The following TMTC2 variants were observed in gnomAD, a reference collection of about 807,000 sequenced individuals.
TMTC2 encodes transmembrane O-mannosyltransferase targeting cadherins 2, also known as protein O-mannosyl-transferase TMTC2.
Under a neutral mutation model 82.4 loss-of-function variants are expected in TMTC2, and 43 were observed. The observed-to-expected ratio is 0.52, with a 90% CI of 0.41 to 0.67. The LOEUF (loss-of-function observed/expected upper bound fraction) is 0.67, where lower values mean the gene tolerates loss of function less well. TMTC2 is among the 30% of genes least tolerant of loss of function. TMTC2 has a pLI of 0.00. For synonymous variants in TMTC2, 408 were observed against 381.9 expected (o/e 1.07, Z -0.80); for missense variants, 919 against 1,012.4 (o/e 0.91, Z 1.25).
intron 8 of TMTC2, among the ~76,000 whole-genome samples, chr12:83,005,901 G>A (rs1362523549): frequency 6.6e-6 from 1 of 152,186 alleles, no homozygotes; most frequent in Non-Finnish European, 1.5e-5. Context: ...ATTCAGCAAA[G>A]TTAAGAGCCA....
chr12:83,130,517 C>T (rs1440158919), intron 11 of TMTC2, among the ~76,000 whole-genome samples: 1 of 152,094 alleles, frequency 6.6e-6, no homozygotes, highest in Non-Finnish European at 1.5e-5. Flanking sequence ...CTTATATTTG[C>T]AGCATTATTT....
chr12:83,124,038 T>C lies in TMTC2; in HGVS notation c.2332-8172T>C, dbSNP rs1467534707. ...ATCCATCCTCTGTGCAGTCCTCTTC[T>C]ATACTGCTTACATTGATGCATGGAT... On this transcript the variant is annotated intron_variant, in intron 11 of 11. Transcript: ENST00000321196. 2.0e-5 allele frequency among the ~76,000 whole-genome samples: 3 copies of C among 152,184 alleles called. No individual in the cohort carries two copies. The South Asian group carries it at 6.2e-4, about 32-fold the overall frequency.
At position 83,000,563 on chromosome 12, in the gene TMTC2, C is replaced by G. The variant is rs142124812; in HGVS notation, c.2070+14517C>G. ...CCACCCGTGTGACTGCAGGGTATAG[C>G]CCTCCTCTTGGCTGCTTTCATGGGC... On this transcript the variant is annotated intron_variant, in intron 8 of 11. Transcript: ENST00000321196. Among the ~76,000 whole-genome samples the G allele has an allele frequency of 4.3e-3, 651 of 152,308 alleles. 2 individuals carry two copies. Among genetic ancestry groups the G allele is most frequent in the African/African-American group, 0.015 (616 of 41,584 alleles).
chr12:83,005,235 A>G (rs1880136699), intron 8 of TMTC2, among the ~76,000 whole-genome samples: 2 of 144,700 alleles, frequency 1.4e-5, no homozygotes, highest in Non-Finnish European at 3.0e-5. Context: ...GGGGAGAGAG[A>G]GAAAAGAAAA....
At chr12:82,948,684 T>A (rs915065818) in intron 4 of TMTC2, among the ~76,000 whole-genome samples, 1 of 152,192 alleles carries the variant, frequency 6.6e-6, no homozygotes, top group Non-Finnish European at 1.5e-5. Context: ...ACCCACTTTG[T>A]TGAACATTTA....
At chr12:82,872,445 A>C (rs1872250214) in intron 2 of TMTC2, among the ~76,000 whole-genome samples, 1 of 152,228 alleles carries the variant, frequency 6.6e-6, no homozygotes, top group Non-Finnish European at 1.5e-5. Context: ...TTCAATTGAC[A>C]TTGAAACATT....
At chr12:82,730,378 C>G (rs1396136906) in intron 1 of TMTC2, among the ~76,000 whole-genome samples, 1 of 148,598 alleles carries the variant, frequency 6.7e-6, no homozygotes, top group Non-Finnish European at 1.5e-5. Context: ...ATCTCTTGGG[C>G]TTTTCTTCTG....
intron 9 of TMTC2, among the ~76,000 whole-genome samples, chr12:83,037,269 G>A (rs967348734): frequency 6.6e-6 from 1 of 152,180 alleles, no homozygotes; most frequent in Non-Finnish European, 1.5e-5. Context: ...AGTTGAATTG[G>A]TGAGTGGCCT....
At chr12:83,091,862 G>A (rs1469977907) in intron 11 of TMTC2, among the ~76,000 whole-genome samples, 2 of 152,172 alleles carry the variant, frequency 1.3e-5, no homozygotes, top group Non-Finnish European at 2.9e-5. Flanking sequence ...ATGGTTTCCA[G>A]ATGGAGTCCA....
intron 1 of TMTC2, among the ~76,000 whole-genome samples, chr12:82,831,831 G>A (rs1008362334): frequency 6.6e-6 from 1 of 152,158 alleles, no homozygotes; most frequent in Non-Finnish European, 1.5e-5. Flanking sequence ...CTCTGTGTAT[G>A]TACATTCCTT....
chr12:82,891,536 G>A (rs1282198191), intron 2 of TMTC2, among the ~76,000 whole-genome samples: 1 of 152,032 alleles, frequency 6.6e-6, no homozygotes, highest in African/African-American at 2.4e-5. Flanking sequence ...CAGAGCTCCC[G>A]ACCTCAGGTG....
Position 82,857,459 on chromosome 12 carries a change from G to A in TMTC2, c.533G>A (p.Cys178Tyr), listed in dbSNP as rs1436146320. Residue 178 changes from cysteine to tyrosine, a missense_variant, in exon 2 of 12, where the codon TGC (cysteine) becomes TAC (tyrosine). Cys to Tyr is a radical substitution (Grantham distance 194). Coordinates refer to ENST00000321196, the MANE Select transcript of TMTC2 (RefSeq NM_152588.3). ...TWGWFLGSGL[C>Y]AGCSMLWKEQ... ...GGCTGGTTCCTGGGGTCAGGACTGT[G>A]CGCAGGATGCAGCATGTTGTGGAAG... The A allele has an allele frequency of 1.2e-6, 2 of 1,614,232 alleles. No homozygotes were observed. The highest frequency in any genetic ancestry group is 1.7e-5 in the Admixed American group (1 of 60,030).
At chr12:82,956,028 C>G (rs1439866522) in intron 4 of TMTC2, among the ~76,000 whole-genome samples, 1 of 151,998 alleles carries the variant, frequency 6.6e-6, no homozygotes. Context: ...TATGGACTTA[C>G]TGCCACATTA....
At position 82,687,656 on chromosome 12, in the gene TMTC2, T is replaced by G; in HGVS notation, c.70T>G (p.Cys24Gly). Residue 24 changes from cysteine (C) to glycine (G), a missense_variant, in exon 1 of 12, where the codon TGC becomes GGC. By Grantham distance (159) the Cys-to-Gly change is radical. Transcript: ENST00000321196. ...LYLNTLSADF[C>G]YDDSRAIKTN... ...TCTCAACACCCTGAGTGCGGATTTC[T>G]GCTATGATGACAGGTAAGGGGCCGA... is the stretch of plus-strand genomic sequence containing the variant. 4 of 1,604,658 alleles carry G rather than the reference T, an allele frequency of 2.5e-6. No homozygotes were observed. Among genetic ancestry groups the G allele is most frequent in the Non-Finnish European group, 3.4e-6 (4 of 1,176,864 alleles).
At chr12:83,081,053 T>C (rs1475094477) in intron 11 of TMTC2, among the ~76,000 whole-genome samples, 1 of 152,200 alleles carries the variant, frequency 6.6e-6, no homozygotes, top group African/African-American at 2.4e-5. Context: ...TGGGCTTATA[T>C]CATGACCAAA....
Position 83,033,611 on chromosome 12 carries a change from C to T in TMTC2, c.2152+2732C>T, listed in dbSNP as rs545698286. On this transcript the variant is annotated intron_variant, in intron 9 of 11. Coordinates refer to ENST00000321196, the MANE Select transcript of TMTC2 (RefSeq NM_152588.3). ...ACTAAAAATACAAAAATTAGCTAGGCGTGGTGGTGCATGCCTGTAATCCCA... is the reference window on the plus strand; with the variant it reads ...ACTAAAAATACAAAAATTAGCTAGGTGTGGTGGTGCATGCCTGTAATCCCA... Among the ~76,000 whole-genome samples the T allele has an allele frequency of 3.1e-4, 47 of 151,832 alleles. 1 individual carries two copies. In the South Asian group the frequency reaches 4.2e-3, roughly 13 times the overall value.
At chr12:82,999,371 C>G (rs79180737) in intron 8 of TMTC2, among the ~76,000 whole-genome samples, 1 of 152,146 alleles carries the variant, frequency 6.6e-6, no homozygotes, top group African/African-American at 2.4e-5. Flanking sequence ...TATCTATTAG[C>G]GATGTGACTT....
chr12:83,120,443 T>A (rs1363537504), intron 11 of TMTC2, among the ~76,000 whole-genome samples: 2 of 152,332 alleles, frequency 1.3e-5, no homozygotes, highest in East Asian at 3.9e-4. Flanking sequence ...AATTCTTAGC[T>A]GAGAATTGTT....
chr12:83,070,212 A>C lies in TMTC2; in HGVS notation c.2331+8381A>C, dbSNP rs184809594. ...TGAATTTTAGAATTGTTTATTTCTA[A>C]TTCTGTGAAGAAGGATGGTGGTATT... On this transcript the variant is annotated intron_variant, in intron 11 of 11. Transcript: ENST00000321196. Among the ~76,000 whole-genome samples the C allele has an allele frequency of 1.2e-3, 190 of 152,172 alleles. 1 individual carries two copies. The highest frequency in any genetic ancestry group is 4.5e-3 in the African/African-American group (187 of 41,502).
Sources: allele counts gnomAD v4.1 joint callset (sites outside exome capture counted in the v4.1 genomes callset), GRCh38; gene constraint gnomAD v4.1.1; transcripts MANE v1.5; gene names NCBI Gene and HGNC (gene_info 2026-07-23, HGNC 2026-07-21).